WDR72: variants seen among roughly 807,000 people sequenced by gnomAD.
WDR72 encodes WD repeat-containing protein 72.
Under a neutral mutation model 124.2 loss-of-function variants are expected in WDR72, and 120 were observed. The observed-to-expected ratio is 0.97, with a 90% confidence interval of 0.83 to 1.12. The LOEUF is 1.12. WDR72 is among the 50% of genes most tolerant of loss of function. The probability of loss-of-function intolerance (pLI) is 0.00; values close to 1 mark genes in which losing one functional copy is unlikely to be tolerated. For missense variants in WDR72, 1,387 were observed against 1,278.8 expected (o/e 1.08, Z -1.29); for synonymous variants, 452 against 441.7 (o/e 1.02, Z -0.29).
In WDR72 at chr15:53,684,869, G is replaced by C. The variant is rs538708704; in HGVS notation, c.1765+14881C>G. ...CAGTACGCAGCTGGAGATCTGAGAA[G>C]GGCCAGACTGCCTCCTCAAGTGGGT... On this transcript the variant is annotated intron_variant, in intron 13 of 19. Transcript: ENST00000360509. Among the ~76,000 whole-genome samples, 663 of 152,120 alleles carry C rather than the reference G, an allele frequency of 4.4e-3. 4 individuals are homozygous for C. Among genetic ancestry groups the C allele is most frequent in the Middle Eastern group, 0.01 (3 of 294 alleles).
intron 6 of WDR72, 60 bp downstream of exon 6, chr15:53,714,374 T>C (rs936616594): frequency 4.4e-6 from 6 of 1,373,746 alleles, no homozygotes; most frequent in Non-Finnish European, 6.2e-6. Flanking sequence ...TTAAAATTTA[T>C]AAATTTTAAT....
rs543554557 is a variant in WDR72, at chr15:53,550,554, A to G, written c.3149-27232T>C. ...CCTTTTATTTATTATGCATTAAACA[A>G]AAAACTTTCTCTGCCTACCCCTTTA... On this transcript the variant is annotated intron_variant, in intron 18 of 19. Transcript: ENST00000360509. 5.3e-5 allele frequency among the ~76,000 whole-genome samples: 8 copies of G among 152,302 alleles called. No individual in the cohort carries two copies. The South Asian group carries it at 1.7e-3, about 32-fold the overall frequency.
At chr15:53,750,112 T>C (rs1489125591) in intron 1 of WDR72, among the ~76,000 whole-genome samples, 1 of 152,192 alleles carries the variant, frequency 6.6e-6, no homozygotes, top group Non-Finnish European at 1.5e-5. Flanking sequence ...CACCTTTTTA[T>C]TGGAAGAAGA....
At chr15:53,753,726 C>G (rs2018829324) in intron 1 of WDR72, among the ~76,000 whole-genome samples, 4 of 152,314 alleles carry the variant, frequency 2.6e-5, no homozygotes, top group African/African-American at 7.2e-5. Context: ...CTATCCTTGC[C>G]TCTTTTCTCA....
intron 14 of WDR72, among the ~76,000 whole-genome samples, chr15:53,650,024 A>T (rs1361837841): frequency 6.6e-6 from 1 of 152,236 alleles, no homozygotes; most frequent in Non-Finnish European, 1.5e-5. Flanking sequence ...AATAACCAAG[A>T]TGTGGAAATA....
intron 18 of WDR72, among the ~76,000 whole-genome samples, chr15:53,544,327 T>C (rs1277353069): frequency 3.8e-5 from 4 of 104,878 alleles, no homozygotes; most frequent in Non-Finnish European, 5.6e-5. Context: ...TCAAGTGGGC[T>C]TCATCCCTGG....
chr15:53,702,030 T>C (rs535408587), intron 12 of WDR72, 104 bp downstream of exon 12: 244 of 815,294 alleles, frequency 3.0e-4, no homozygotes, highest in Non-Finnish European at 4.0e-4. Flanking sequence ...AACTCATGTT[T>C]TTCTTTTCTT....
intron 1 of WDR72, among the ~76,000 whole-genome samples, chr15:53,754,167 T>A (rs1321000089): frequency 6.6e-6 from 1 of 151,874 alleles, no homozygotes; most frequent in Non-Finnish European, 1.5e-5. Flanking sequence ...AGTCTAAGAG[T>A]CTTAATCTGT....
At chr15:53,624,574 C>T (rs1595801796) in intron 14 of WDR72, among the ~76,000 whole-genome samples, 2 of 152,194 alleles carry the variant, frequency 1.3e-5, no homozygotes, top group South Asian at 4.1e-4. Context: ...CTGCCATAAG[C>T]AAAAATCCTA....
At chr15:53,698,184 T>C (rs1283279575) in intron 13 of WDR72, among the ~76,000 whole-genome samples, 1 of 152,176 alleles carries the variant, frequency 6.6e-6, no homozygotes, top group Non-Finnish European at 1.5e-5. Context: ...TACTTCCCAC[T>C]CTGGCAAAGA....
intron 13 of WDR72, among the ~76,000 whole-genome samples, chr15:53,681,894 A>G (rs1398464147): frequency 6.6e-6 from 1 of 152,210 alleles, no homozygotes; most frequent in African/African-American, 2.4e-5. Context: ...AAAAAAGTGA[A>G]TCAAATGATG....
chr15:53,548,639 C>G (rs1327945556), intron 18 of WDR72, among the ~76,000 whole-genome samples: 2 of 148,144 alleles, frequency 1.4e-5, no homozygotes, highest in Non-Finnish European at 3.0e-5. Context: ...ATGTCATGAA[C>G]TGTGCTTTTT....
At chr15:53,604,406 G>A (rs975497689) in intron 17 of WDR72, among the ~76,000 whole-genome samples, 17 of 152,042 alleles carry the variant, frequency 1.1e-4, no homozygotes, top group African/African-American at 2.9e-4. Context: ...AATACCATTC[G>A]GGATATAGGC....
At chr15:53,701,396 A>G (rs571380405) in intron 12 of WDR72, among the ~76,000 whole-genome samples, 1 of 152,006 alleles carries the variant, frequency 6.6e-6, no homozygotes, top group African/African-American at 2.4e-5. Context: ...AAAATAAAAA[A>G]CAGTAGCTGG....
At chr15:53,760,072 G>A (rs982243338), upstream of WDR72, among the ~76,000 whole-genome samples, 6 of 150,426 alleles carry the variant, frequency 4.0e-5, 1 homozygote, top group Admixed American at 1.3e-4. Context: ...ATATATTTAT[G>A]GGGTATATGC....
intron 18 of WDR72, among the ~76,000 whole-genome samples, chr15:53,583,425 T>C (rs1336866175): frequency 7.2e-6 from 1 of 138,586 alleles, no homozygotes; most frequent in Non-Finnish European, 1.7e-5. Context: ...GAATAAACTT[T>C]AGTTCATTTG....
intron 13 of WDR72, chr15:53,684,725 G>C (rs2016546196): frequency 6.6e-6 from 1 of 152,504 alleles, no homozygotes; most frequent in South Asian, 2.1e-4. Flanking sequence ...AAGGAGGCCT[G>C]CCTGCCTCTG....
At chr15:53,694,658 G>A (rs2016947553) in intron 13 of WDR72, among the ~76,000 whole-genome samples, 1 of 152,118 alleles carries the variant, frequency 6.6e-6, no homozygotes, top group Non-Finnish European at 1.5e-5. Flanking sequence ...CACCAGAATG[G>A]AAGAAGGAGA....
chr15:53,711,215 G>A, intron 8 of WDR72, 121 bp downstream of exon 8: 1 of 1,444,272 alleles, frequency 6.9e-7, no homozygotes, highest in South Asian at 1.2e-5. Flanking sequence ...ATCTTCTAGT[G>A]CCAAAGTTGT....
Sources: allele counts gnomAD v4.1 joint callset (sites outside exome capture counted in the v4.1 genomes callset), GRCh38; gene constraint gnomAD v4.1.1; transcripts MANE v1.5; gene names NCBI Gene and HGNC (gene_info 2026-07-23, HGNC 2026-07-21).